Variants in MDGA2 observed in about 807,000 individuals in gnomAD.
MDGA2 encodes MAM domain-containing glycosylphosphatidylinositol anchor protein 2.
MDGA2 carries 40 observed loss-of-function variants against 117.8 expected under a neutral mutation model. The ratio of observed to expected loss-of-function variants is 0.34; its 90% CI spans 0.26 to 0.44. The LOEUF is 0.44. Ranked by LOEUF, MDGA2 falls within the 20% of genes least tolerant of loss-of-function variation. The pLI, the probability that MDGA2 is intolerant of heterozygous loss-of-function variation, is 1.00. For synonymous variants in MDGA2, 452 were observed against 439.0 expected (o/e 1.03, Z -0.37); for missense variants, 1,123 against 1,250.6 (o/e 0.90, Z 1.54).
At chr14:47,034,875 C>T in intron 8 of MDGA2, 136 bp downstream of exon 8, 1 of 766,684 alleles carries the variant, frequency 1.3e-6, no homozygotes, top group South Asian at 1.8e-5. Flanking sequence ...AGAAATAGTT[C>T]ATTCAATCCA....
intron 8 of MDGA2, among the ~76,000 whole-genome samples, chr14:47,000,419 A>ATATT (rs1491534134): frequency 3.9e-5 from 5 of 129,706 alleles, no homozygotes; most frequent in East Asian, 2.4e-4. Flanking sequence ...TTATATATAT[A>ATATT]CACATATAAA....
At chr14:46,847,805 A>T (rs1566489164) in intron 15 of MDGA2, among the ~76,000 whole-genome samples, 1 of 152,022 alleles carries the variant, frequency 6.6e-6, no homozygotes. Context: ...TCAAATAATT[A>T]TTATTCATAC....
At chr14:47,200,873 A>G (rs1885478104) in intron 3 of MDGA2, 1 of 859,506 alleles carries the variant, frequency 1.2e-6, no homozygotes, top group Non-Finnish European at 2.0e-6. Context: ...GATGCCGTCA[A>G]ACACCTTAAG....
intron 1 of MDGA2, among the ~76,000 whole-genome samples, chr14:47,358,528 C>T (rs1396737862): frequency 6.6e-6 from 1 of 152,106 alleles, no homozygotes; most frequent in African/African-American, 2.4e-5. Context: ...AAAATTATCC[C>T]TATTTGCAGA....
chr14:47,332,244 C>T (rs1056829875), intron 1 of MDGA2, among the ~76,000 whole-genome samples: 1 of 151,944 alleles, frequency 6.6e-6, no homozygotes, highest in Non-Finnish European at 1.5e-5. Context: ...TGAAGTTTCC[C>T]TCAAGCTCTC....
chr14:47,222,993 C>A (rs1200111567), intron 2 of MDGA2, among the ~76,000 whole-genome samples: 1 of 152,138 alleles, frequency 6.6e-6, no homozygotes, highest in Non-Finnish European at 1.5e-5. Context: ...ACTTACTGTT[C>A]CAAATGGCTG....
chr14:46,874,277 A>C (rs1375608011), intron 12 of MDGA2, 77 bp from the exon 13 acceptor site: 4 of 690,272 alleles, frequency 5.8e-6, no homozygotes, highest in Non-Finnish European at 8.3e-6. Context: ...GAAAAATGTA[A>C]AATATTACAT....
At chr14:47,648,152 T>C (rs771223502) in intron 1 of MDGA2, among the ~76,000 whole-genome samples, 101 of 152,174 alleles carry the variant, frequency 6.6e-4, no homozygotes, top group Non-Finnish European at 1.3e-3. Flanking sequence ...TGTGCCATTT[T>C]ATATTGTTAA....
chr14:46,960,955 C>T (rs770000167), intron 8 of MDGA2, among the ~76,000 whole-genome samples: 6,385 of 100,198 alleles, frequency 0.064, 213 homozygotes, highest in South Asian at 0.14. Context: ...TATATACACA[C>T]ACACACACAC....
intron 3 of MDGA2, among the ~76,000 whole-genome samples, chr14:47,174,754 C>A (rs1371696270): frequency 2.6e-5 from 4 of 151,904 alleles, no homozygotes; most frequent in Admixed American, 2.0e-4. Flanking sequence ...AAAGCAAGAG[C>A]AAACACATTC....
intron 1 of MDGA2, among the ~76,000 whole-genome samples, chr14:47,397,808 C>T (rs1353918894): frequency 1.3e-5 from 2 of 151,906 alleles, no homozygotes; most frequent in Admixed American, 1.3e-4. Flanking sequence ...AAGGAGGTAA[C>T]CTTAGGGGCT....
chr14:47,090,305 C>A, intron 6 of MDGA2, among the ~76,000 whole-genome samples: 1 of 151,980 alleles, frequency 6.6e-6, no homozygotes, highest in East Asian at 1.9e-4. Context: ...ATATTGACTT[C>A]TTCCACAAAG....
intron 1 of MDGA2, among the ~76,000 whole-genome samples, chr14:47,427,491 C>A (rs199947015): frequency 6.6e-4 from 100 of 150,832 alleles, no homozygotes; most frequent in Non-Finnish European, 9.8e-4. Context: ...GTTTTTGGAC[C>A]AGGTTCTCCA....
chr14:47,413,069 T>C (rs1892405492), intron 1 of MDGA2, among the ~76,000 whole-genome samples: 2 of 152,200 alleles, frequency 1.3e-5, no homozygotes, highest in East Asian at 1.9e-4. Flanking sequence ...TTTAATTCCA[T>C]GTGAATAAAA....
chr14:47,464,099 G>A (rs1044000218), intron 1 of MDGA2, among the ~76,000 whole-genome samples: 1 of 98,642 alleles, frequency 1.0e-5, no homozygotes, highest in Non-Finnish European at 2.0e-5. Context: ...CACTTACTAT[G>A]TACACACACA....
chr14:47,115,730 C>T (rs78654799), intron 5 of MDGA2, among the ~76,000 whole-genome samples: 2,627 of 152,092 alleles, frequency 0.017, 71 homozygotes, highest in African/African-American at 0.06. Flanking sequence ...AGTCACAATT[C>T]AGCACCCTTT....
chr14:47,117,786 A>G (rs1881413858), intron 5 of MDGA2, among the ~76,000 whole-genome samples: 1 of 152,194 alleles, frequency 6.6e-6, no homozygotes, highest in Non-Finnish European at 1.5e-5. Context: ...ATCAACAGGC[A>G]TAAAGTTTAA....
At chr14:47,419,657 TTTAA>T (rs1892539558) in intron 1 of MDGA2, among the ~76,000 whole-genome samples, 1 of 152,218 alleles carries the variant, frequency 6.6e-6, no homozygotes, top group Admixed American at 6.5e-5. Context: ...GCTAAATTTG[TTTAA>T]TTAATTTGTG....
chr14:47,663,455 C>T (rs1345694233), intron 1 of MDGA2, among the ~76,000 whole-genome samples: 2 of 152,168 alleles, frequency 1.3e-5, no homozygotes, highest in Non-Finnish European at 2.9e-5. Flanking sequence ...CAATTACAGC[C>T]ATCTAGTTAA....
Sources: allele counts gnomAD v4.1 joint callset (sites outside exome capture counted in the v4.1 genomes callset), GRCh38; gene constraint gnomAD v4.1.1; transcripts MANE v1.5; gene names NCBI Gene and HGNC (gene_info 2026-07-23, HGNC 2026-07-21).